Variants in FSTL5 observed in about 807,000 individuals in gnomAD.
FSTL5 encodes the protein follistatin-related protein 5.
In FSTL5, 62 loss-of-function variants were observed where a neutral mutation model predicts 89.1. That is an observed-to-expected ratio of 0.70 (90% CI 0.57 to 0.86). The LOEUF is 0.86. Among genes scored for constraint, FSTL5 ranks in the 40% least tolerant of loss-of-function variants. The pLI is 0.00. For synonymous variants in FSTL5, 383 were observed against 346.2 expected (o/e 1.11, Z -1.18); for missense variants, 1,057 against 1,001.6 (o/e 1.06, Z -0.75).
chr4:161,747,059 T>C (rs1479122341), intron 6 of FSTL5, among the ~76,000 whole-genome samples: 2 of 152,212 alleles, frequency 1.3e-5, no homozygotes, highest in Admixed American at 1.3e-4. Context: ...TACTATATTG[T>C]AATTGCCTTT....
chr4:162,048,561 A>C (rs1342859271), intron 2 of FSTL5, among the ~76,000 whole-genome samples: 1 of 151,502 alleles, frequency 6.6e-6, no homozygotes, highest in Non-Finnish European at 1.5e-5. Flanking sequence ...GAAAATGTTG[A>C]CTTACTGCAC....
intron 15 of FSTL5, among the ~76,000 whole-genome samples, chr4:161,399,067 T>G (rs1176086861): frequency 1.3e-5 from 2 of 152,162 alleles, no homozygotes; most frequent in African/African-American, 4.8e-5. Flanking sequence ...ATGAATGGTA[T>G]AATTAAGTCA....
chr4:161,387,333 A>G (rs1346660599), intron 15 of FSTL5: 1 of 152,030 alleles, frequency 6.6e-6, no homozygotes, highest in African/African-American at 2.4e-5. Flanking sequence ...ATTGATTGTC[A>G]CCTTCTAATA....
chr4:161,514,687 G>A (rs1040131736), intron 10 of FSTL5, among the ~76,000 whole-genome samples: 2 of 152,034 alleles, frequency 1.3e-5, no homozygotes, highest in Non-Finnish European at 2.9e-5. Flanking sequence ...ATTAATTTTT[G>A]ATGGGTTGAT....
intron 1 of FSTL5, among the ~76,000 whole-genome samples, chr4:162,117,694 C>T (rs2111424030): frequency 6.6e-6 from 1 of 152,296 alleles, no homozygotes; most frequent in Non-Finnish European, 1.5e-5. Flanking sequence ...CAGCTCTCCT[C>T]ATCATCTGAA....
chr4:162,077,492 T>C (rs759826982), intron 2 of FSTL5, among the ~76,000 whole-genome samples: 48 of 151,876 alleles, frequency 3.2e-4, no homozygotes, highest in Non-Finnish European at 5.6e-4. Context: ...TATGCTGATA[T>C]TTGTTCTGCC....
intron 4 of FSTL5, among the ~76,000 whole-genome samples, chr4:161,895,129 G>C (rs1255252623): frequency 2.6e-5 from 4 of 152,132 alleles, no homozygotes; most frequent in Non-Finnish European, 5.9e-5. Context: ...CTTGCCCAAA[G>C]TCTCACAGCT....
chr4:161,388,858 T>A (rs534898562), intron 15 of FSTL5, among the ~76,000 whole-genome samples: 1 of 152,234 alleles, frequency 6.6e-6, no homozygotes, highest in African/African-American at 2.4e-5. Context: ...ATTTTAACTT[T>A]GATACTACCG....
At chr4:161,775,731 G>T in intron 5 of FSTL5, 147 bp downstream of exon 5, 1 of 441,392 alleles carries the variant, frequency 2.3e-6, no homozygotes, top group Non-Finnish European at 4.0e-6. Context: ...ATGTAGTCAA[G>T]TTTGCTACAA....
rs1553983474 is a variant in FSTL5 at position 161,929,685 on chromosome 4, G to GTGTGTGTGTA, written c.161-9034_161-9033insTACACACACA. Among the ~76,000 whole-genome samples the GTGTGTGTGTA allele has an allele frequency of 2.3e-3, 349 of 149,204 alleles. 4 individuals are homozygous for GTGTGTGTGTA. The highest frequency in any genetic ancestry group is 8.3e-3 in the African/African-American group (336 of 40,294). On this transcript the variant is annotated intron_variant, in intron 3 of 15. Coordinates refer to ENST00000306100, the MANE Select transcript of FSTL5 (RefSeq NM_020116.5). ...CGTGTGTGTGTGTGTGTGTGTGTGT[G>GTGTGTGTGTA]TGTGTGTGTGTGTGTGTACATAGTT...
intron 4 of FSTL5, among the ~76,000 whole-genome samples, chr4:161,832,005 A>G (rs1375782480): frequency 1.3e-5 from 2 of 152,090 alleles, no homozygotes; most frequent in African/African-American, 2.4e-5. Flanking sequence ...CACTGAACAT[A>G]TTCTTGCTAT....
At chr4:161,929,868 A>C (rs1247066150) in intron 3 of FSTL5, among the ~76,000 whole-genome samples, 1 of 151,528 alleles carries the variant, frequency 6.6e-6, no homozygotes, top group Admixed American at 6.6e-5. Flanking sequence ...AAAAGTGAAA[A>C]ATTCAGGATT....
intron 15 of FSTL5, among the ~76,000 whole-genome samples, chr4:161,396,347 A>G (rs1253703928): frequency 6.6e-6 from 1 of 152,088 alleles, no homozygotes; most frequent in Non-Finnish European, 1.5e-5. Context: ...TTGAAAGAAA[A>G]TAAGTAAGAC....
At chr4:161,394,023 A>T (rs1189267098) in intron 15 of FSTL5, among the ~76,000 whole-genome samples, 1 of 152,208 alleles carries the variant, frequency 6.6e-6, no homozygotes, top group Non-Finnish European at 1.5e-5. Flanking sequence ...CCTTAGCTAA[A>T]GAGTGTGAAA....
intron 6 of FSTL5, among the ~76,000 whole-genome samples, chr4:161,704,605 G>T (rs552950899): frequency 3.9e-5 from 6 of 152,080 alleles, no homozygotes; most frequent in African/African-American, 9.6e-5. Flanking sequence ...CTCTGGTAAA[G>T]AATTTTTCGT....
chr4:161,940,472 A>G (rs1035333887), intron 3 of FSTL5, among the ~76,000 whole-genome samples: 1 of 151,876 alleles, frequency 6.6e-6, no homozygotes, highest in Non-Finnish European at 1.5e-5. Context: ...ACTGAGCCCA[A>G]TTATAAAGAA....
At chr4:161,707,538 A>G (rs1256925239) in intron 6 of FSTL5, among the ~76,000 whole-genome samples, 1 of 151,942 alleles carries the variant, frequency 6.6e-6, no homozygotes, top group Non-Finnish European at 1.5e-5. Context: ...TAATACTTCT[A>G]TATAAGTTAA....
intron 10 of FSTL5, 137 bp downstream of exon 10, chr4:161,538,029 C>T: frequency 3.9e-6 from 3 of 762,998 alleles, no homozygotes; most frequent in East Asian, 2.6e-5. Context: ...GATTTCTATC[C>T]TTCCTACGTA....
intron 4 of FSTL5, among the ~76,000 whole-genome samples, chr4:161,802,253 T>C (rs1043882224): frequency 6.6e-6 from 1 of 151,746 alleles, no homozygotes; most frequent in African/African-American, 2.4e-5. Context: ...AACTATCTCC[T>C]ATAATAGTTA....
Sources: allele counts gnomAD v4.1 joint callset (sites outside exome capture counted in the v4.1 genomes callset), GRCh38; gene constraint gnomAD v4.1.1; transcripts MANE v1.5; gene names NCBI Gene and HGNC (gene_info 2026-07-23, HGNC 2026-07-21).